CNTN4: variants seen among roughly 807,000 people sequenced by gnomAD.
CNTN4 encodes the protein contactin 4.
Under a neutral mutation model 122.5 loss-of-function variants are expected in CNTN4, and 77 were observed. That is an observed-to-expected ratio of 0.63 (90% CI 0.52 to 0.76). The LOEUF is 0.76. CNTN4 is among the 30% of genes least tolerant of loss of function. CNTN4 has a pLI of 0.00. For synonymous variants in CNTN4, 512 were observed against 447.0 expected (o/e 1.15, Z -1.83); for missense variants, 1,256 against 1,259.1 (o/e 1.00, Z 0.04).
chr3:2,362,922 A>G (rs1475216845), intron 3 of CNTN4, among the ~76,000 whole-genome samples: 1 of 152,256 alleles, frequency 6.6e-6, no homozygotes, highest in South Asian at 2.1e-4. Context: ...AGATTCTCAC[A>G]TAAAGCCTAA....
At chr3:2,197,068 A>AAAAAAAAAAAG (rs1559333924) in intron 2 of CNTN4, among the ~76,000 whole-genome samples, 1 of 139,792 alleles carries the variant, frequency 7.2e-6, no homozygotes, top group Non-Finnish European at 1.5e-5. Context: ...AAAAAAAAAA[A>AAAAAAAAAAAG]AAGAAGAAGA....
At position 2,317,896 on chromosome 3, in the gene CNTN4, C is replaced by CTAT. The variant is rs2043159978; in HGVS notation, c.-144-21282_-144-21281insTAT. On this transcript the variant is annotated intron_variant, in intron 2 of 24. Coordinates refer to ENST00000418658, the MANE Select transcript of CNTN4 (RefSeq NM_175607.3). ...GTTTGAAAGTGTTATCTTACTTTTG[C>CTAT]ATCAACGATATAGATGCCTTTGGTA... Among the ~76,000 whole-genome samples the CTAT allele has an allele frequency of 9.2e-5, 14 of 152,312 alleles. 2 individuals carry two copies. Among genetic ancestry groups the CTAT allele is most frequent in the Admixed American group, 9.2e-4 (14 of 15,298 alleles).
At chr3:2,492,142 C>T (rs891018186) in intron 3 of CNTN4, among the ~76,000 whole-genome samples, 1 of 152,140 alleles carries the variant, frequency 6.6e-6, no homozygotes, top group Admixed American at 6.5e-5. Flanking sequence ...GGAAATGTTG[C>T]CTCCTGCGTT....
At chr3:2,238,014 GC>G (rs1166732698) in intron 2 of CNTN4, among the ~76,000 whole-genome samples, 2 of 151,856 alleles carry the variant, frequency 1.3e-5, no homozygotes, top group Non-Finnish European at 2.9e-5. Context: ...AACATGACTT[GC>G]CATTGAGACG....
intron 2 of CNTN4, chr3:2,238,939 A>G (rs952506571): frequency 2.3e-5 from 3 of 131,788 alleles, no homozygotes; most frequent in South Asian, 3.0e-4. Context: ...GTTAGCCAGG[A>G]TGGTCTCGAT....
chr3:2,901,014 A>G (rs935310436), intron 11 of CNTN4, among the ~76,000 whole-genome samples, 193 bp downstream of exon 11: 3 of 152,262 alleles, frequency 2.0e-5, no homozygotes, highest in African/African-American at 4.8e-5. Flanking sequence ...CCAGCTTTCA[A>G]TTAAGCTCTT....
At chr3:2,763,796 G>A (rs2090710496) in intron 6 of CNTN4, among the ~76,000 whole-genome samples, 1 of 152,088 alleles carries the variant, frequency 6.6e-6, no homozygotes, top group African/African-American at 2.4e-5. Flanking sequence ...CGTTGCAGGT[G>A]TGCAGTCTTA....
chr3:2,211,518 C>T (rs944265118), intron 2 of CNTN4, among the ~76,000 whole-genome samples: 8 of 152,046 alleles, frequency 5.3e-5, no homozygotes, highest in Non-Finnish European at 1.0e-4. Context: ...ACTATGTGTA[C>T]GTTTTCCTAC....
At position 3,043,576 on chromosome 3, in the gene CNTN4, C is replaced by G. The variant is rs1461559540; in HGVS notation, c.2699-16C>G. On this transcript the variant is annotated splice_polypyrimidine_tract_variant and intron_variant, in intron 22 of 24. Transcript: ENST00000418658. Reference sequence around the variant, plus strand: ...CTTAATAATCTGTGACTTCGTATATCTTAATTTTTTTATAGCACCAAGTCA... The same window carrying G: ...CTTAATAATCTGTGACTTCGTATATGTTAATTTTTTTATAGCACCAAGTCA... The G allele has an allele frequency of 3.2e-6, 5 of 1,568,014 alleles. No individual in the cohort carries two copies. Among genetic ancestry groups the G allele is most frequent in the Non-Finnish European group, 3.5e-6 (4 of 1,138,214 alleles).
intron 6 of CNTN4, among the ~76,000 whole-genome samples, chr3:2,782,322 T>A (rs1335145438): frequency 6.6e-6 from 1 of 151,912 alleles, no homozygotes; most frequent in Admixed American, 6.6e-5. Context: ...TTATTTGTGG[T>A]TTATAGCAAG....
intron 4 of CNTN4, among the ~76,000 whole-genome samples, chr3:2,728,756 GGCTGGTATTCTAA>G (rs1291160847): frequency 4.2e-4 from 64 of 152,192 alleles, no homozygotes; most frequent in Non-Finnish European, 1.3e-4. Flanking sequence ...AGTCTTCCCT[GGCTGGTATTCTAA>G]GCTTCTATTC....
At chr3:2,304,992 A>G (rs1444145744) in intron 2 of CNTN4, among the ~76,000 whole-genome samples, 1 of 151,974 alleles carries the variant, frequency 6.6e-6, no homozygotes, top group Non-Finnish European at 1.5e-5. Context: ...AATGATTAGA[A>G]TAATAATAAG....
chr3:2,930,963 C>A (rs192266400), intron 13 of CNTN4, among the ~76,000 whole-genome samples: 1 of 152,066 alleles, frequency 6.6e-6, no homozygotes, highest in Admixed American at 6.5e-5. Context: ...TGTAGGGCAG[C>A]GATAGATTGT....
At chr3:2,357,190 C>CTTAA (rs2044908701) in intron 3 of CNTN4, among the ~76,000 whole-genome samples, 1 of 152,190 alleles carries the variant, frequency 6.6e-6, no homozygotes, top group South Asian at 2.1e-4. Flanking sequence ...ACAAACCGTA[C>CTTAA]TTAAGTAGCA....
chr3:2,203,743 G>A (rs187817826), intron 2 of CNTN4, among the ~76,000 whole-genome samples: 67 of 152,234 alleles, frequency 4.4e-4, no homozygotes, highest in African/African-American at 1.6e-3. Context: ...AGGTACATTG[G>A]CCTTCTGACC....
At chr3:2,660,841 G>T (rs2083854888) in intron 4 of CNTN4, among the ~76,000 whole-genome samples, 1 of 152,174 alleles carries the variant, frequency 6.6e-6, no homozygotes, top group African/African-American at 2.4e-5. Flanking sequence ...GCAGGACAAA[G>T]AATCAGAGGC....
At chr3:2,416,968 T>C (rs2151078455) in intron 3 of CNTN4, among the ~76,000 whole-genome samples, 1 of 152,306 alleles carries the variant, frequency 6.6e-6, no homozygotes, top group African/African-American at 2.4e-5. Context: ...GTCGCAACTT[T>C]CTATGGTATA....
In CNTN4 at chr3:2,488,919, G is replaced by C. The variant is rs1337894310; in HGVS notation, c.-88-82497G>C. On this transcript the variant is annotated intron_variant, in intron 3 of 24. Transcript: ENST00000418658. Reference sequence around the variant, plus strand: ...AATGTAGGCTCCATTTTTAATAATAGATAGTCTAGAATCATAGATAAAAAG... The same window carrying C: ...AATGTAGGCTCCATTTTTAATAATACATAGTCTAGAATCATAGATAAAAAG... Among the ~76,000 whole-genome samples the C allele has an allele frequency of 2.6e-5, 4 of 152,116 alleles. No individual in the cohort carries two copies. In the East Asian group the frequency reaches 5.8e-4, roughly 22 times the overall value.
At chr3:2,702,199 G>A (rs1320244867) in intron 4 of CNTN4, among the ~76,000 whole-genome samples, 1 of 152,176 alleles carries the variant, frequency 6.6e-6, no homozygotes, top group Non-Finnish European at 1.5e-5. Flanking sequence ...TTAGGGGAGA[G>A]CTAGGCATCT....
Sources: allele counts gnomAD v4.1 joint callset (sites outside exome capture counted in the v4.1 genomes callset), GRCh38; gene constraint gnomAD v4.1.1; transcripts MANE v1.5; gene names NCBI Gene and HGNC (gene_info 2026-07-23, HGNC 2026-07-21).